SLC4A8: variants seen among roughly 807,000 people sequenced by gnomAD.
SLC4A8 encodes the protein electroneutral sodium bicarbonate exchanger 1.
SLC4A8 carries 40 observed loss-of-function variants against 125.0 expected under a neutral mutation model. The observed-to-expected ratio is 0.32, with a 90% CI of 0.25 to 0.42. The LOEUF (loss-of-function observed/expected upper bound fraction) is 0.42. Among genes scored for constraint, SLC4A8 ranks in the 10% least tolerant of loss-of-function variants. The pLI, the probability that SLC4A8 is intolerant of heterozygous loss-of-function variation, is 1.00. For missense variants in SLC4A8, 863 were observed against 1,355.1 expected (o/e 0.64, Z 5.70); for synonymous variants, 456 against 476.0 (o/e 0.96, Z 0.55).
At chr12:51,499,307 T>C (rs1937734957) in intron 22 of SLC4A8, among the ~76,000 whole-genome samples, 1 of 152,138 alleles carries the variant, frequency 6.6e-6, no homozygotes, top group Non-Finnish European at 1.5e-5. Flanking sequence ...AACATATACA[T>C]ATACACATAC....
intron 14 of SLC4A8, among the ~76,000 whole-genome samples, chr12:51,472,678 C>G (rs1048651491): frequency 6.6e-6 from 1 of 152,084 alleles, no homozygotes; most frequent in African/African-American, 2.4e-5. Context: ...CTTTATGAGG[C>G]TTATATCTGA....
chr12:51,452,896 T>TG (rs1950011742), intron 4 of SLC4A8, among the ~76,000 whole-genome samples: 1 of 152,152 alleles, frequency 6.6e-6, no homozygotes, highest in South Asian at 2.1e-4. Flanking sequence ...GCCTGAGCTT[T>TG]GGGGAAGGAG....
At chr12:51,467,328 G>A (rs1040773488) in intron 11 of SLC4A8, 1 of 152,222 alleles carries the variant, frequency 6.6e-6, no homozygotes, top group African/African-American at 2.4e-5. Flanking sequence ...CAGGTCACAA[G>A]GCTGGCTTTG....
chr12:51,399,482 A>G (rs1349594634), intron 1 of SLC4A8, among the ~76,000 whole-genome samples: 1 of 152,026 alleles, frequency 6.6e-6, no homozygotes, highest in African/African-American at 2.4e-5. Context: ...TTTTTATTAC[A>G]TTGCCCATAA....
intron 22 of SLC4A8, among the ~76,000 whole-genome samples, chr12:51,498,494 T>G (rs1469138747): frequency 6.6e-6 from 1 of 151,944 alleles, no homozygotes; most frequent in Non-Finnish European, 1.5e-5. Flanking sequence ...GCAAGGAGAA[T>G]ACTTTTTTAC....
At chr12:51,499,175 T>C (rs1478761129) in intron 22 of SLC4A8, among the ~76,000 whole-genome samples, 1 of 152,210 alleles carries the variant, frequency 6.6e-6, no homozygotes, top group East Asian at 1.9e-4. Flanking sequence ...AACAAGACTT[T>C]GTCTCAAAAA....
upstream of SLC4A8, chr12:51,420,041 C>G (rs1159428599): frequency 6.6e-6 from 1 of 152,212 alleles, no homozygotes. Flanking sequence ...GAAAGCAAAT[C>G]ATGCACCTGC....
At position 51,471,513 on chromosome 12, in the gene SLC4A8, G is replaced by A; in HGVS notation, c.1885G>A (p.Asp629Asn). 1 of 1,614,014 alleles carries A rather than the reference G, an allele frequency of 6.2e-7. No individual in the cohort carries two copies. Among genetic ancestry groups the A allele is most frequent in the South Asian group, 1.1e-5 (1 of 91,062 alleles). Reference sequence around the variant, plus strand: ...CCCCATCCACATGCACAGCCAGCTGGACCACCTTAGCCTCTATTAGTAAGT... The same window carrying A: ...CCCCATCCACATGCACAGCCAGCTGAACCACCTTAGCCTCTATTAGTAAGT... The part of the protein sequence containing the change: ...TYPIHMHSQL[D>N]HLSLYYCRCT... The change falls in exon 14 of 25, where the codon GAC becomes AAC. Residue 629 changes from aspartate to asparagine, a missense_variant. Coordinates refer to ENST00000453097, the MANE Select transcript of SLC4A8 (RefSeq NM_001039960.3).
At chr12:51,485,336 G>A (rs1362593766) in intron 16 of SLC4A8, among the ~76,000 whole-genome samples, 1 of 152,066 alleles carries the variant, frequency 6.6e-6, no homozygotes, top group East Asian at 1.9e-4. Context: ...GAGCAGTGGC[G>A]GTGGTAAGAA....
intron 1 of SLC4A8, among the ~76,000 whole-genome samples, chr12:51,400,934 T>A (rs1948379463): frequency 6.6e-6 from 1 of 150,482 alleles, no homozygotes; most frequent in Non-Finnish European, 1.5e-5. Flanking sequence ...TGGAGTGCAG[T>A]GGCACCGTCA....
chr12:51,487,433 G>C (rs1951189537), intron 17 of SLC4A8, among the ~76,000 whole-genome samples: 1 of 152,152 alleles, frequency 6.6e-6, no homozygotes, highest in Non-Finnish European at 1.5e-5. Flanking sequence ...CATAATTTTG[G>C]ACTTGGTGGT....
chr12:51,442,087 A>G (rs901031469), intron 2 of SLC4A8, among the ~76,000 whole-genome samples: 2 of 152,170 alleles, frequency 1.3e-5, no homozygotes, highest in Admixed American at 1.3e-4. Context: ...CCAGGCAGGT[A>G]GGTATCATTA....
In SLC4A8 at chr12:51,469,481, G is replaced by C. The variant is rs187476275; in HGVS notation, c.1350-133G>C. On this transcript the variant is annotated intron_variant, in intron 11 of 24. Transcript: ENST00000453097. Reference sequence around the variant, plus strand: ...CTCTGCTGACCTAAGAGAGTTATCTGTACTGGGGTCAAACTGAAGCCAAAG... The same window carrying C: ...CTCTGCTGACCTAAGAGAGTTATCTCTACTGGGGTCAAACTGAAGCCAAAG... The C allele has an allele frequency of 4.6e-5, 32 of 689,150 alleles. No individual in the cohort carries two copies. The African/African-American group carries it at 5.4e-4, about 12-fold the overall frequency. The allele number at this position is 689,150 out of a possible 1,614,324, so 42.7% of individuals were successfully genotyped here.
intron 16 of SLC4A8, chr12:51,479,894 G>A (rs1411753413): frequency 5.6e-6 from 2 of 359,372 alleles, no homozygotes; most frequent in Non-Finnish European, 1.0e-5. Flanking sequence ...GTAAGAAAGT[G>A]TACTATGGCT....
chr12:51,446,919 G>A (rs1417862824), intron 2 of SLC4A8, among the ~76,000 whole-genome samples: 1 of 152,214 alleles, frequency 6.6e-6, no homozygotes, highest in African/African-American at 2.4e-5. Flanking sequence ...GGGACACCAA[G>A]GAGATTGCAA....
upstream of SLC4A8, among the ~76,000 whole-genome samples, chr12:51,424,070 A>G (rs1478826521): frequency 1.4e-5 from 2 of 140,092 alleles, no homozygotes; most frequent in Non-Finnish European, 3.0e-5. Context: ...AAACAACAAA[A>G]AAAAAACAAA....
At chr12:51,425,298 G>A in intron 1 of SLC4A8, 2 of 1,286,848 alleles carry the variant, frequency 1.6e-6, no homozygotes, top group Non-Finnish European at 9.8e-7. Flanking sequence ...AGCCCTGACA[G>A]CCGGCGGGCG....
chr12:51,403,618 G>GA (rs1948434972), intron 1 of SLC4A8, among the ~76,000 whole-genome samples: 1 of 152,050 alleles, frequency 6.6e-6, no homozygotes, highest in Non-Finnish European at 1.5e-5. Flanking sequence ...TTCAGTGGGG[G>GA]AGAAAGATGT....
At chr12:51,482,225 G>A (rs148757993) in intron 16 of SLC4A8, among the ~76,000 whole-genome samples, 1,666 of 151,648 alleles carry the variant, frequency 0.011, 19 homozygotes, top group Middle Eastern at 0.017. Flanking sequence ...AATATAAAAC[G>A]TTTCATCAAT....
Sources: gnomAD v4.1 joint callset for allele counts (sites outside exome capture counted in the v4.1 genomes callset) on GRCh38, gnomAD v4.1.1 for gene constraint, MANE v1.5 for transcripts, NCBI Gene and HGNC (gene_info 2026-07-23, HGNC 2026-07-21) for gene names.